The following ROBO1 variants were observed in gnomAD, a reference collection of about 807,000 sequenced individuals.
ROBO1 encodes roundabout guidance receptor 1.
In ROBO1, 149 loss-of-function variants were observed where a neutral mutation model predicts 195.9. The observed-to-expected ratio is 0.76, with a 90% CI of 0.67 to 0.87. The LOEUF is 0.87. Among genes scored for constraint, ROBO1 ranks in the 40% least tolerant of loss-of-function variants. The pLI is 0.00. For synonymous variants in ROBO1, 816 were observed against 733.2 expected, an observed-to-expected ratio of 1.11 and a Z score of -1.82; for missense variants, 1,933 against 2,068.3, an observed-to-expected ratio of 0.93 and a Z score of 1.27.
chr3:79,504,498 ATAT>A (rs1940285454), intron 2 of ROBO1, among the ~76,000 whole-genome samples: 1 of 152,108 alleles, frequency 6.6e-6, no homozygotes, highest in Non-Finnish European at 1.5e-5. Context: ...ATTGAAAGAT[ATAT>A]TTTTTAAGCT....
At chr3:79,283,146 G>T (rs1228695168) in intron 2 of ROBO1, among the ~76,000 whole-genome samples, 1 of 152,164 alleles carries the variant, frequency 6.6e-6, no homozygotes, top group Admixed American at 6.5e-5. Flanking sequence ...CCTCAATCAT[G>T]CCATCCATAA....
At chr3:79,394,383 G>T (rs547375369) in intron 2 of ROBO1, among the ~76,000 whole-genome samples, 1 of 151,778 alleles carries the variant, frequency 6.6e-6, no homozygotes, top group Non-Finnish European at 1.5e-5. Flanking sequence ...TTACTACAGG[G>T]CTCCTTAAAA....
At position 78,665,955 on chromosome 3, in the gene ROBO1, G is replaced by C. The variant is rs527978709; in HGVS notation, c.1966+1928C>G. Among the ~76,000 whole-genome samples the C allele has an allele frequency of 4.8e-4, 73 of 151,984 alleles. No homozygotes were observed. In the South Asian group the frequency reaches 7.3e-3, roughly 15 times the overall value. On this transcript the variant is annotated intron_variant, in intron 14 of 30. Transcript: ENST00000464233. ...CCTCACCCAAATCTCATCTTGAACT[G>C]TAGTTCTCCTAATCCCCATGTGTCA... is the stretch of plus-strand genomic sequence containing the variant.
In ROBO1 at chr3:79,496,387, C is replaced by CA. The variant is rs145186389; in HGVS notation, c.88+93436_88+93437insT. Among the ~76,000 whole-genome samples the CA allele has an allele frequency of 1.3e-3, 141 of 112,516 alleles. 3 individuals carry two copies. Among genetic ancestry groups the CA allele is most frequent in the East Asian group, 2.1e-3 (8 of 3,734 alleles). The allele number at this position is 112,516 out of a possible 152,430, so 73.8% of individuals were successfully genotyped here. A position where few individuals can be genotyped will look rare whatever the true frequency, so the allele number is the denominator to read the frequency against. ...TTTTGGTATAATGCTGCGCACCCATCTTTTTTTGAGACGGAGTCTCGCTCT... is the reference window on the plus strand; with the variant it reads ...TTTTGGTATAATGCTGCGCACCCATCATTTTTTTGAGACGGAGTCTCGCTCT... On this transcript the variant is annotated intron_variant, in intron 2 of 30. Coordinates refer to ENST00000464233, the MANE Select transcript of ROBO1 (RefSeq NM_002941.4).
chr3:79,520,112 T>C (rs1941144878), intron 2 of ROBO1, among the ~76,000 whole-genome samples: 1 of 150,606 alleles, frequency 6.6e-6, no homozygotes, highest in African/African-American at 2.5e-5. Context: ...CAGTGAGCCC[T>C]GTTTGCACCA....
chr3:79,085,781 A>G (rs2108474642), intron 3 of ROBO1, among the ~76,000 whole-genome samples: 2 of 152,304 alleles, frequency 1.3e-5, no homozygotes, highest in Non-Finnish European at 2.9e-5. Flanking sequence ...GTCAAGTGCT[A>G]AGGAAGTGTG....
chr3:78,666,631 T>C (rs1707753685), intron 14 of ROBO1, among the ~76,000 whole-genome samples: 1 of 152,194 alleles, frequency 6.6e-6, no homozygotes, highest in Admixed American at 6.5e-5. Flanking sequence ...AGGTGATTCA[T>C]AATAGCAAAT....
intron 2 of ROBO1, among the ~76,000 whole-genome samples, chr3:79,195,371 T>A (rs544785043): frequency 6.6e-6 from 1 of 151,734 alleles, no homozygotes; most frequent in African/African-American, 2.4e-5. Flanking sequence ...AGTGATATTA[T>A]AAGGAATGAG....
chr3:78,780,252 TA>T (rs1267865735), intron 4 of ROBO1, among the ~76,000 whole-genome samples: 2 of 151,636 alleles, frequency 1.3e-5, no homozygotes, highest in African/African-American at 4.8e-5. Flanking sequence ...ATTTAAAGTA[TA>T]AAAAAAAATT....
At chr3:79,388,738 CAG>C (rs2036842963) in intron 2 of ROBO1, among the ~76,000 whole-genome samples, 1 of 152,004 alleles carries the variant, frequency 6.6e-6, no homozygotes, top group South Asian at 2.1e-4. Context: ...TCTGAATATA[CAG>C]AGAGAAACTA....
intron 4 of ROBO1, among the ~76,000 whole-genome samples, chr3:78,868,871 A>G (rs1413798555): frequency 6.6e-6 from 1 of 152,208 alleles, no homozygotes; most frequent in African/African-American, 2.4e-5. Context: ...CCCTTTAAAT[A>G]TGTAACCTGT....
At chr3:79,295,493 G>A (rs2032537691) in intron 2 of ROBO1, among the ~76,000 whole-genome samples, 1 of 152,034 alleles carries the variant, frequency 6.6e-6, no homozygotes, top group Non-Finnish European at 1.5e-5. Flanking sequence ...AAATACCTAA[G>A]GTAGGTGACG....
chr3:78,692,227 A>C (rs1341649923), intron 8 of ROBO1, among the ~76,000 whole-genome samples: 1 of 152,030 alleles, frequency 6.6e-6, no homozygotes. Context: ...TATCTGTATT[A>C]ATATGAAAAG....
chr3:79,265,294 A>C (rs1291732186), intron 2 of ROBO1, among the ~76,000 whole-genome samples: 1 of 147,216 alleles, frequency 6.8e-6, no homozygotes, highest in Non-Finnish European at 1.5e-5. Flanking sequence ...TTGGAAAAGC[A>C]GATTTTTTTT....
chr3:79,402,291 G>T (rs1404400761), intron 2 of ROBO1, among the ~76,000 whole-genome samples: 1 of 151,784 alleles, frequency 6.6e-6, no homozygotes, highest in African/African-American at 2.4e-5. Context: ...GTTGGTAAAA[G>T]ACACTTATTA....
chr3:79,174,290 G>A (rs1056715775), intron 2 of ROBO1, among the ~76,000 whole-genome samples: 5 of 151,914 alleles, frequency 3.3e-5, no homozygotes, highest in South Asian at 4.2e-4. Context: ...CCACTGAGAC[G>A]AAGGAACAAC....
At chr3:79,412,417 C>T (rs910569087) in intron 2 of ROBO1, among the ~76,000 whole-genome samples, 1 of 152,122 alleles carries the variant, frequency 6.6e-6, no homozygotes, top group Admixed American at 6.6e-5. Flanking sequence ...AGCATTTTCC[C>T]ATCTATCCAT....
intron 3 of ROBO1, among the ~76,000 whole-genome samples, chr3:79,099,934 C>A (rs528790750): frequency 6.6e-6 from 1 of 151,638 alleles, no homozygotes; most frequent in South Asian, 2.1e-4. Flanking sequence ...TGGAAGGAGA[C>A]CAGTAAATTT....
At chr3:78,935,475 T>G (rs1288100252) in intron 4 of ROBO1, among the ~76,000 whole-genome samples, 1 of 152,068 alleles carries the variant, frequency 6.6e-6, no homozygotes, top group African/African-American at 2.4e-5. Flanking sequence ...AAATATAAGT[T>G]GTGTCAAAGA....
Sources: allele counts gnomAD v4.1 joint callset (sites outside exome capture counted in the v4.1 genomes callset), GRCh38; gene constraint gnomAD v4.1.1; transcripts MANE v1.5; gene names NCBI Gene and HGNC (gene_info 2026-07-23, HGNC 2026-07-21).